ZCCHC24: variants seen among roughly 807,000 people sequenced by gnomAD.
ZCCHC24 encodes zinc finger CCHC-type containing 24, also known as zinc finger CCHC domain-containing protein 24.
In ZCCHC24, 10 loss-of-function variants were observed where a neutral mutation model predicts 26.2. That is an observed-to-expected ratio of 0.38 (90% confidence interval 0.24 to 0.65). ZCCHC24 has a LOEUF of 0.65. Ranked by LOEUF, ZCCHC24 falls within the 30% of genes least tolerant of loss-of-function variation. The probability of loss-of-function intolerance (pLI) is 0.54; values close to 1 mark genes in which losing one functional copy is unlikely to be tolerated. For missense variants in ZCCHC24, 243 were observed against 329.1 expected (o/e 0.74, Z 2.03); for synonymous variants, 144 against 147.1 (o/e 0.98, Z 0.15).
chr10:79,444,775 T>C (rs371241632), intron 1 of ZCCHC24, among the ~76,000 whole-genome samples: 2 of 152,258 alleles, frequency 1.3e-5, no homozygotes, highest in East Asian at 1.9e-4. Context: ...GCACTCTCGG[T>C]CCCAGCCCGC....
intron 1 of ZCCHC24, 79 bp downstream of exon 1, chr10:79,445,116 G>T: frequency 8.4e-7 from 1 of 1,196,474 alleles, no homozygotes; most frequent in Non-Finnish European, 1.1e-6. Context: ...CAGGAAGAGC[G>T]GGTCAGACAG....
At position 79,434,642 on chromosome 10, in the gene ZCCHC24, A is replaced by G. The variant is rs146562364; in HGVS notation, c.247-1884T>C. Reference sequence around the variant, plus strand: ...CTGTATTGAATGACCTGGGAAGCTTATAACAAACAGTTTTCTGGGCCCCAC... The same window carrying G: ...CTGTATTGAATGACCTGGGAAGCTTGTAACAAACAGTTTTCTGGGCCCCAC... On this transcript the variant is annotated intron_variant, in intron 1 of 3. Transcript: ENST00000372336. 8.9e-3 allele frequency among the ~76,000 whole-genome samples: 1,353 copies of G among 152,310 alleles called. 18 individuals carry two copies. Among genetic ancestry groups the G allele is most frequent in the African/African-American group, 0.03 (1,255 of 41,568 alleles).
intron 3 of ZCCHC24, among the ~76,000 whole-genome samples, chr10:79,389,894 G>A (rs922556766): frequency 6.6e-6 from 1 of 151,912 alleles, no homozygotes; most frequent in African/African-American, 2.4e-5. Context: ...GGGATTACAG[G>A]CATCAGCCAC....
intron 2 of ZCCHC24, among the ~76,000 whole-genome samples, chr10:79,426,477 C>A (rs1857029770): frequency 6.6e-6 from 1 of 152,158 alleles, no homozygotes; most frequent in African/African-American, 2.4e-5. Flanking sequence ...CTTCAACAGA[C>A]TTTAAGCAGG....
chr10:79,444,105 T>C lies in ZCCHC24; in HGVS notation c.246+1090A>G, dbSNP rs556493381. ...CTCTGACTCTCCTAAAACTCACCGG[T>C]GTGCCCAGGTCTGGAAGGAAAGTGA... On this transcript the variant is annotated intron_variant, in intron 1 of 3. Coordinates refer to ENST00000372336, the MANE Select transcript of ZCCHC24 (RefSeq NM_153367.4). 51 of 1,545,094 alleles carry C rather than the reference T, an allele frequency of 3.3e-5. No individual in the cohort carries two copies. The Admixed American group carries it at 9.2e-4, about 28-fold the overall frequency.
At chr10:79,434,478 C>T (rs1025813245) in intron 1 of ZCCHC24, among the ~76,000 whole-genome samples, 1 of 152,172 alleles carries the variant, frequency 6.6e-6, no homozygotes, top group Non-Finnish European at 1.5e-5. Flanking sequence ...AAAACCACAT[C>T]ACAGGATAAC....
intron 2 of ZCCHC24, among the ~76,000 whole-genome samples, chr10:79,422,845 A>G (rs574041361): frequency 6.6e-6 from 1 of 152,226 alleles, no homozygotes. Flanking sequence ...TACCACTAAC[A>G]ATGTCTCAGA....
At chr10:79,394,588 C>A in intron 2 of ZCCHC24, 148 bp from the exon 3 acceptor site, 1 of 1,420,176 alleles carries the variant, frequency 7.0e-7, no homozygotes. Context: ...ATACCAGGGT[C>A]ATCCCCAGAG....
chr10:79,405,897 G>GCC (rs1856705557), intron 2 of ZCCHC24, among the ~76,000 whole-genome samples: 1 of 152,258 alleles, frequency 6.6e-6, no homozygotes, highest in Admixed American at 6.5e-5. Flanking sequence ...GGGGGCTGAG[G>GCC]CCCCCACTGC....
At chr10:79,430,720 C>T (rs1413254142) in intron 2 of ZCCHC24, among the ~76,000 whole-genome samples, 1 of 113,598 alleles carries the variant, frequency 8.8e-6, no homozygotes, top group Admixed American at 8.5e-5. Context: ...ACACCCTCTG[C>T]TATCCCCGGG....
chr10:79,389,168 CT>C (rs918873202), intron 3 of ZCCHC24, among the ~76,000 whole-genome samples: 6 of 152,218 alleles, frequency 3.9e-5, no homozygotes, highest in African/African-American at 1.4e-4. Flanking sequence ...GCGCTCTCCC[CT>C]GGGAATTCAC....
Position 79,443,961 on chromosome 10 carries a change from G to A in ZCCHC24, c.246+1234C>T, listed in dbSNP as rs1564643539. ...TTGGCCTTGGGCCAGCATTTTATAT[G>A]TCCATGCCTCCCCTAGTAAATAATG... is the stretch of plus-strand genomic sequence containing the variant. On this transcript the variant is annotated intron_variant, in intron 1 of 3. Transcript: ENST00000372336. The A allele has an allele frequency of 5.9e-6, 7 of 1,178,782 alleles. No homozygotes were observed. The South Asian group carries it at 9.1e-5, about 15-fold the overall frequency. The allele number at this position is 1,178,782 out of a possible 1,614,324, so 73.0% of individuals were successfully genotyped here. A position where few individuals can be genotyped will look rare whatever the true frequency, so the allele number is the denominator to read the frequency against.
Position 79,445,177 on chromosome 10 carries a change from G to T in ZCCHC24, c.246+18C>A, listed in dbSNP as rs1227052912. 1 of 1,269,468 alleles carries T rather than the reference G, an allele frequency of 7.9e-7. No homozygotes were observed. The highest frequency in any genetic ancestry group is 1.0e-6 in the Non-Finnish European group (1 of 1,002,952). The allele number at this position is 1,269,468 out of a possible 1,614,324, so 78.6% of individuals were successfully genotyped here. The stretch of plus-strand genomic sequence containing the variant: ...TGGGGCGGTGGGGCGGTGGGCGGGG[G>T]CGCGCGGGGGCACCCACCTCTCCGC... On this transcript the variant is annotated intron_variant, in intron 1 of 3. Transcript: ENST00000372336.
At chr10:79,434,218 C>T (rs1857184159) in intron 1 of ZCCHC24, among the ~76,000 whole-genome samples, 4 of 152,218 alleles carry the variant, frequency 2.6e-5, no homozygotes. Flanking sequence ...ACACAGTCAC[C>T]TATAGTGACT....
At chr10:79,428,770 C>T (rs1857084032) in intron 2 of ZCCHC24, among the ~76,000 whole-genome samples, 1 of 151,714 alleles carries the variant, frequency 6.6e-6, no homozygotes, top group South Asian at 2.1e-4. Flanking sequence ...ACTCAAATTG[C>T]AAGAATCAGA....
intron 3 of ZCCHC24, among the ~76,000 whole-genome samples, 166 bp downstream of exon 3, chr10:79,394,110 C>T (rs1470398039): frequency 6.6e-6 from 1 of 152,204 alleles, no homozygotes; most frequent in East Asian, 1.9e-4. Context: ...TGCAGTTGCC[C>T]CATCATCCTC....
intron 1 of ZCCHC24, among the ~76,000 whole-genome samples, chr10:79,436,660 C>A (rs1857221274): frequency 6.6e-6 from 1 of 152,262 alleles, no homozygotes; most frequent in African/African-American, 2.4e-5. Context: ...TGCCCCACAG[C>A]CTGCCCTGGG....
chr10:79,411,161 G>C (rs190277405), intron 2 of ZCCHC24, among the ~76,000 whole-genome samples: 1 of 152,190 alleles, frequency 6.6e-6, no homozygotes, highest in Non-Finnish European at 1.5e-5. Flanking sequence ...CTCAGGAATC[G>C]CCTATAAACC....
rs376491345 is a variant in ZCCHC24, at chr10:79,398,324, A to G, written c.448-3884T>C. Reference sequence around the variant, plus strand: ...TGTGCCTTGGTTTCCTCATCTGGAAACCAGGATGATGATAAAGGACCTGCC... The same window carrying G: ...TGTGCCTTGGTTTCCTCATCTGGAAGCCAGGATGATGATAAAGGACCTGCC... On this transcript the variant is annotated intron_variant, in intron 2 of 3. Transcript: ENST00000372336. Among the ~76,000 whole-genome samples, 339 of 152,244 alleles carry G rather than the reference A, an allele frequency of 2.2e-3. No individual in the cohort carries two copies. In the Middle Eastern group the frequency reaches 0.031, roughly 14 times the overall value.
Sources: gnomAD v4.1 joint callset for allele counts (sites outside exome capture counted in the v4.1 genomes callset) on GRCh38, gnomAD v4.1.1 for gene constraint, MANE v1.5 for transcripts, NCBI Gene and HGNC (gene_info 2026-07-23, HGNC 2026-07-21) for gene names.